The following FBXO38 variants were observed in gnomAD, a reference collection of about 807,000 sequenced individuals.
FBXO38 encodes the protein F-box protein 38.
In FBXO38, 53 loss-of-function variants were observed where a neutral mutation model predicts 131.9. The ratio of observed to expected loss-of-function variants is 0.40; its 90% CI spans 0.32 to 0.51. FBXO38 has a LOEUF of 0.51. Among genes scored for constraint, FBXO38 ranks in the 20% least tolerant of loss-of-function variants. The pLI is 0.53. For missense variants in FBXO38, 1,076 were observed against 1,475.6 expected, an observed-to-expected ratio of 0.73 and a Z score of 4.44; for synonymous variants, 452 against 505.6, an observed-to-expected ratio of 0.89 and a Z score of 1.42.
Position 148,402,690 on chromosome 5 carries a change from G to C in FBXO38, c.592+177G>C, listed in dbSNP as rs190963429. 4.1e-3 allele frequency: 2,068 copies of C among 502,714 alleles called. 6 individuals carry two copies. The highest frequency in any genetic ancestry group is 5.3e-3 in the Non-Finnish European group (1,534 of 289,054). 31.1% of individuals were successfully genotyped at this position (502,714 alleles called of 1,614,324 possible). A position where few individuals can be genotyped will look rare whatever the true frequency, so the allele number is the denominator to read the frequency against. Reference sequence around the variant, plus strand: ...TTTCCCATTAAAGATCCACTGGTGTGAGGGAAATACTGCTTCACAAGTGTA... The same window carrying C: ...TTTCCCATTAAAGATCCACTGGTGTCAGGGAAATACTGCTTCACAAGTGTA... On this transcript the variant is annotated intron_variant, in intron 5 of 21. Coordinates refer to ENST00000340253, the MANE Select transcript of FBXO38 (RefSeq NM_205836.3).
intron 17 of FBXO38, chr5:148,435,046 C>G (rs902071031): frequency 6.6e-6 from 1 of 152,142 alleles, no homozygotes; most frequent in Non-Finnish European, 1.5e-5. Flanking sequence ...GAGCCAAGAT[C>G]ACGCCACTGC....
intron 7 of FBXO38, among the ~76,000 whole-genome samples, chr5:148,408,269 A>G (rs1752549778): frequency 6.6e-6 from 1 of 152,246 alleles, no homozygotes; most frequent in African/African-American, 2.4e-5. Flanking sequence ...AGGACCTTTC[A>G]TACACTGATG....
chr5:148,414,238 T>C lies in FBXO38; in HGVS notation c.1196T>C (p.Phe399Ser), dbSNP rs1375694159. 6.2e-7 allele frequency: 1 copy of C among 1,612,878 alleles called. No individual in the cohort carries two copies. Among genetic ancestry groups the C allele is most frequent in the Non-Finnish European group, 8.5e-7 (1 of 1,179,466 alleles). The change falls in exon 10 of 22, where the codon TTT becomes TCT. Residue 399 changes from phenylalanine to serine, a missense_variant. Around this residue, in one of 8 missense-constraint regions of FBXO38, gnomAD observed 146 missense variants for 274.3 expected, o/e 0.53. Coordinates refer to ENST00000340253, the MANE Select transcript of FBXO38 (RefSeq NM_205836.3). Reference protein sequence around the residue: ...DIGMKAVNEVFSCIKYLAIYN... With the variant: ...DIGMKAVNEVSSCIKYLAIYN... ...GGGATGAAAGCAGTCAATGAAGTTT[T>C]TTCCTGTATCAAATATCTGGCAATT...
At chr5:148,433,761 A>C in intron 17 of FBXO38, 24 bp downstream of exon 17, 2 of 1,318,440 alleles carry the variant, frequency 1.5e-6, no homozygotes, top group Non-Finnish European at 2.1e-6. Flanking sequence ...CCCATATTAT[A>C]CAAGAGTATC....
Position 148,416,974 on chromosome 5 carries a change from G to A in FBXO38, c.1408-20G>A. On this transcript the variant is annotated intron_variant, in intron 11 of 21. Transcript: ENST00000340253. ...TACTAACCCAAATTAATAAACGTAT[G>A]TGTTTTGGTTTTGCCTTAGGGTTGT... 6.5e-6 allele frequency: 10 copies of A among 1,542,260 alleles called. No individual in the cohort carries two copies. Among genetic ancestry groups the A allele is most frequent in the Non-Finnish European group, 8.1e-6 (9 of 1,114,594 alleles).
In FBXO38 at chr5:148,417,220, T is replaced by G; in HGVS notation, c.1618+16T>G. 2.0e-6 allele frequency: 3 copies of G among 1,525,662 alleles called. No individual in the cohort carries two copies. The highest frequency in any genetic ancestry group is 1.1e-5 in the South Asian group (1 of 89,116). The allele number at this position is 1,525,662 out of a possible 1,614,324, so 94.5% of individuals were successfully genotyped here. A position where few individuals can be genotyped will look rare whatever the true frequency, so the allele number is the denominator to read the frequency against. On this transcript the variant is annotated intron_variant, in intron 12 of 21. Transcript: ENST00000340253. ...GCAGCTGACGGTAACCCAGATCTTT[T>G]ATGAGCTCCAGATAGAAATGATTTT...
At chr5:148,385,562 G>A (rs918281690) in intron 1 of FBXO38, among the ~76,000 whole-genome samples, 38 of 152,182 alleles carry the variant, frequency 2.5e-4, no homozygotes, top group African/African-American at 8.9e-4. Flanking sequence ...TCTGTAAAAC[G>A]AAGGGTTGAG....
chr5:148,428,398 A>G (rs772598499), intron 15 of FBXO38, among the ~76,000 whole-genome samples: 63 of 152,236 alleles, frequency 4.1e-4, no homozygotes, highest in Non-Finnish European at 7.1e-4. Context: ...GTACTTAGTA[A>G]TTTTTTCAGA....
At position 148,412,316 on chromosome 5, in the gene FBXO38, G is replaced by C. The variant is rs565591684; in HGVS notation, c.1093+1551G>C. ...TAGGTGCCTGGTACTTGTTATGGAC[G>C]ATATCATGAGGTCACTGCTCACTCA... On this transcript the variant is annotated intron_variant, in intron 9 of 21. Coordinates refer to ENST00000340253, the MANE Select transcript of FBXO38 (RefSeq NM_205836.3). Among the ~76,000 whole-genome samples the C allele has an allele frequency of 2.0e-5, 3 of 152,170 alleles. No individual in the cohort carries two copies. In the South Asian group the frequency reaches 6.2e-4, roughly 32 times the overall value.
intron 12 of FBXO38, among the ~76,000 whole-genome samples, chr5:148,418,117 A>G (rs1409157467): frequency 1.3e-5 from 2 of 152,142 alleles, no homozygotes; most frequent in African/African-American, 2.4e-5. Context: ...CTCTTGGCAA[A>G]GTCACTAGTG....
At chr5:148,440,940 A>G (rs143396650) in intron 20 of FBXO38, among the ~76,000 whole-genome samples, 184 bp from the exon 21 acceptor site, 1 of 152,366 alleles carries the variant, frequency 6.6e-6, no homozygotes, top group African/African-American at 2.4e-5. Context: ...TAGGACAATC[A>G]GAACCAGTGA....
At chr5:148,404,196 A>G (rs1268834966) in intron 5 of FBXO38, among the ~76,000 whole-genome samples, 5 of 152,336 alleles carry the variant, frequency 3.3e-5, no homozygotes, top group South Asian at 2.1e-4. Context: ...GTGTTTGGCT[A>G]TCTTCCAGAT....
In FBXO38 at chr5:148,427,185, C is replaced by T. The variant is rs547126522; in HGVS notation, c.1919-28C>T. 54 of 1,545,060 alleles carry T rather than the reference C, an allele frequency of 3.5e-5. 1 individual carries two copies. Among genetic ancestry groups the T allele is most frequent in the African/African-American group, 2.8e-4 (20 of 72,084 alleles). On this transcript the variant is annotated intron_variant, in intron 14 of 21. Coordinates refer to ENST00000340253, the MANE Select transcript of FBXO38 (RefSeq NM_205836.3). ...TTATACTGAAATCTTTTCTTTTCCT[C>T]GGGCCGTTCTTCTTTTTCTATAAGC...
At chr5:148,412,233 C>T (rs1752801516) in intron 9 of FBXO38, among the ~76,000 whole-genome samples, 2 of 152,140 alleles carry the variant, frequency 1.3e-5, no homozygotes, top group Non-Finnish European at 2.9e-5. Context: ...ACCATTTCTT[C>T]CATATGCATA....
chr5:148,385,035 CA>C (rs1269998730), intron 1 of FBXO38: 1 of 152,124 alleles, frequency 6.6e-6, no homozygotes, highest in East Asian at 1.9e-4. Context: ...TCCCCCAGCA[CA>C]AGTGAAGGAT....
intron 4 of FBXO38, 101 bp downstream of exon 4, chr5:148,402,246 A>C (rs1038926081): frequency 1.9e-5 from 30 of 1,544,522 alleles, no homozygotes; most frequent in Non-Finnish European, 2.6e-5. Context: ...CATCTGTCAC[A>C]AACTTTTAAG....
intron 19 of FBXO38, 59 bp from the exon 20 acceptor site, chr5:148,440,365 C>T: frequency 9.6e-7 from 1 of 1,042,584 alleles, no homozygotes; most frequent in East Asian, 2.4e-5. Context: ...TTCCTTCCTA[C>T]CCGACACTAA....
Position 148,433,744 on chromosome 5 carries a change from A to G in FBXO38, c.2857+7A>G, listed in dbSNP as rs1390400626. ...AAGATGATGTTCATCCATGGTATGT[A>G]TTTGGGCCCATATTATACAAGAGTA... On this transcript the variant is annotated splice_region_variant and intron_variant, in intron 17 of 21. Transcript: ENST00000340253. 1.3e-6 allele frequency: 2 copies of G among 1,505,352 alleles called. No individual in the cohort carries two copies. The highest frequency in any genetic ancestry group is 1.8e-6 in the Non-Finnish European group (2 of 1,092,644). 93.2% of individuals were successfully genotyped at this position (1,505,352 alleles called of 1,614,324 possible).
At chr5:148,420,601 A>T (rs1467945949) in intron 12 of FBXO38, among the ~76,000 whole-genome samples, 1 of 152,176 alleles carries the variant, frequency 6.6e-6, no homozygotes, top group Non-Finnish European at 1.5e-5. Flanking sequence ...TTGATTTAAC[A>T]TACATTCCAG....
Sources: allele counts gnomAD v4.1 joint callset (sites outside exome capture counted in the v4.1 genomes callset), GRCh38; gene constraint gnomAD v4.1.1; regional missense constraint gnomAD v4.1.1; transcripts MANE v1.5; gene names NCBI Gene and HGNC (gene_info 2026-07-23, HGNC 2026-07-21).